BRCA1: variants seen among roughly 807,000 people sequenced by gnomAD.
BRCA1 encodes the protein breast cancer type 1 susceptibility protein.
A neutral mutation model predicts 173.7 loss-of-function variants in BRCA1; 140 were observed. That is an observed-to-expected ratio of 0.81 (90% CI 0.70 to 0.93). BRCA1 has a LOEUF of 0.93. Among genes scored for constraint, BRCA1 ranks in the 40% least tolerant of loss-of-function variants. BRCA1 has a pLI of 0.00. For synonymous variants in BRCA1, 662 were observed against 756.0 expected (o/e 0.88, Z 2.04); for missense variants, 1,983 against 2,172.5 (o/e 0.91, Z 1.73).
At chr17:43,117,511 C>T (rs556933975) in intron 2 of BRCA1, among the ~76,000 whole-genome samples, 48 of 152,156 alleles carry the variant, frequency 3.2e-4, no homozygotes, top group African/African-American at 1.0e-3. Context: ...GAGGCCGAGG[C>T]GGGCGGATCA....
rs398122638 is a variant in BRCA1 at position 43,093,924 on chromosome 17, G to A, written c.1607C>T (p.Thr536Ile). Reference sequence around the variant, plus strand: ...TTGACCATTCTGCTCCGTTTGGTTAGTTCCCTGATTTATCATTTCAGGAGT... The same window carrying A: ...TTGACCATTCTGCTCCGTTTGGTTAATTCCCTGATTTATCATTTCAGGAGT... ...QKTPEMINQG[T>I]NQTEQNGQVM... The change falls in exon 10 of 23, where the codon ACT becomes ATT. Residue 536 changes from threonine (T) to isoleucine (I), a missense_variant. By Grantham distance (89) the Thr-to-Ile change is moderately conservative. Coordinates refer to ENST00000357654, the MANE Select transcript of BRCA1 (RefSeq NM_007294.4). The A allele has an allele frequency of 6.2e-7, 1 of 1,613,824 alleles. No homozygotes were observed. The highest frequency in any genetic ancestry group is 1.7e-5 in the Admixed American group (1 of 59,964).
At chr17:43,145,885 T>C (rs1221329122) in intron 1 of BRCA1, among the ~76,000 whole-genome samples, 1 of 152,206 alleles carries the variant, frequency 6.6e-6, no homozygotes, top group African/African-American at 2.4e-5. Context: ...TTATATCCTG[T>C]AATACAAAGC....
chr17:43,107,382 ATT>A (rs762948688), intron 3 of BRCA1, among the ~76,000 whole-genome samples: 17 of 118,466 alleles, frequency 1.4e-4, no homozygotes, highest in Admixed American at 1.7e-4. Flanking sequence ...TATTTTCTTA[ATT>A]TTTTTTTTTT....
intron 3 of BRCA1, among the ~76,000 whole-genome samples, chr17:43,113,646 C>A (rs965431412): frequency 6.6e-6 from 1 of 152,226 alleles, no homozygotes; most frequent in Middle Eastern, 3.4e-3. Flanking sequence ...GTATTATAGG[C>A]GTGAGCCACC....
At chr17:43,088,984 G>A (rs2053338139) in intron 11 of BRCA1, among the ~76,000 whole-genome samples, 1 of 152,168 alleles carries the variant, frequency 6.6e-6, no homozygotes, top group African/African-American at 2.4e-5. Context: ...ATTTTTGCAT[G>A]AGAACTTGGA....
At position 43,123,306 on chromosome 17, in the gene BRCA1, G is replaced by A. The variant is rs1462419813; in HGVS notation, c.80+711C>T. On this transcript the variant is annotated intron_variant, in intron 2 of 22. Transcript: ENST00000357654. ...TGTACAGAGCCAGTTTCAAACAAAG[G>A]TTCTTCCAAATACCTATCCTCTCAA... Among the ~76,000 whole-genome samples the A allele has an allele frequency of 2.7e-5, 4 of 148,336 alleles. No homozygotes were observed. The East Asian group carries it at 6.1e-4, about 23-fold the overall frequency.
intron 11 of BRCA1, 109 bp downstream of exon 11, chr17:43,090,835 C>T (rs2154247414): frequency 2.0e-6 from 2 of 1,024,442 alleles, no homozygotes; most frequent in East Asian, 2.6e-5. Flanking sequence ...AACAATTGTG[C>T]CATTAATTCA....
chr17:43,142,948 A>ATG (rs1464892126), intron 1 of BRCA1, among the ~76,000 whole-genome samples: 3 of 140,920 alleles, frequency 2.1e-5, no homozygotes, highest in African/African-American at 7.9e-5. Context: ...GTGTATATAT[A>ATG]TATGTGTGTG....
rs1174909901 is a variant in BRCA1 at position 43,089,900 on chromosome 17, G to A, written c.4185+1044C>T. Among the ~76,000 whole-genome samples, 4 of 151,536 alleles carry A rather than the reference G, an allele frequency of 2.6e-5. No individual in the cohort carries two copies. In the South Asian group the frequency reaches 6.3e-4, roughly 24 times the overall value. Reference sequence around the variant, plus strand: ...TGGGCGCCTGTGGTCCCAGCTACTCGGGAAGCTGAGGTAGGAGGATCGCTT... The same window carrying A: ...TGGGCGCCTGTGGTCCCAGCTACTCAGGAAGCTGAGGTAGGAGGATCGCTT... On this transcript the variant is annotated intron_variant, in intron 11 of 22. Transcript: ENST00000357654.
Position 43,131,299 on chromosome 17 carries a change from GGT to G in BRCA1, c.-19-7186_-19-7185del, listed in dbSNP as rs879113914. On this transcript the variant is annotated intron_variant, in intron 1 of 7. Coordinates refer to the BRCA1 transcript ENST00000634433. Reference sequence around the variant, plus strand: ...AAGTATATTATGGTACTTATTGCTAGGTGTTCAGAATAGGGATCTTATTTCTC... The same window carrying G: ...AAGTATATTATGGTACTTATTGCTAGGTTCAGAATAGGGATCTTATTTCTC... 2.4e-4 allele frequency: 118 copies of G among 486,488 alleles called. 1 individual carries two copies. The highest frequency in any genetic ancestry group is 1.9e-3 in the South Asian group (112 of 58,908). 30.1% of individuals were successfully genotyped at this position (486,488 alleles called of 1,614,324 possible).
At chr17:43,102,235 T>C (rs1448130939) in intron 6 of BRCA1, among the ~76,000 whole-genome samples, 1 of 151,822 alleles carries the variant, frequency 6.6e-6, no homozygotes, top group East Asian at 1.9e-4. Flanking sequence ...CACGCTCAGC[T>C]AATTTTTCTG....
chr17:43,148,800 C>T (rs1355550059), intron 1 of BRCA1: 17 of 167,972 alleles, frequency 1.0e-4, no homozygotes, highest in Non-Finnish European at 1.9e-4. Flanking sequence ...TGGAAGAAAA[C>T]GCAATTAAGA....
At chr17:43,087,374 C>T (rs138167649) in intron 11 of BRCA1, among the ~76,000 whole-genome samples, 13 of 152,188 alleles carry the variant, frequency 8.5e-5, no homozygotes, top group East Asian at 7.7e-4. Flanking sequence ...AGAATTTTAA[C>T]GACCCAGGCT....
At chr17:43,157,151 C>T (rs1385576471) in intron 1 of BRCA1, among the ~76,000 whole-genome samples, 3 of 152,158 alleles carry the variant, frequency 2.0e-5, no homozygotes, top group Non-Finnish European at 4.4e-5. Flanking sequence ...CAAAGAACTA[C>T]CAATCGTCAG....
intron 9 of BRCA1, 57 bp downstream of exon 9, chr17:43,095,788 TA>T: frequency 7.4e-7 from 1 of 1,358,652 alleles, no homozygotes; most frequent in Admixed American, 1.8e-5. Context: ...CTAATTACAG[TA>T]CTGTATCTAC....
intron 1 of BRCA1, among the ~76,000 whole-genome samples, chr17:43,136,549 A>G (rs1342373404): frequency 6.6e-6 from 1 of 152,240 alleles, no homozygotes; most frequent in Non-Finnish European, 1.5e-5. Context: ...ACAAAGGGCT[A>G]ATATCCAGAA....
chr17:43,104,956 C>A lies in BRCA1; in HGVS notation c.213G>T (p.Arg71Ser), dbSNP rs1441240938. 6.2e-7 allele frequency: 1 copy of A among 1,612,578 alleles called. No individual in the cohort carries two copies. Among genetic ancestry groups the A allele is most frequent in the Non-Finnish European group, 8.5e-7 (1 of 1,179,000 alleles). The change falls in exon 5 of 23, where the codon AGG becomes AGT. Residue 71 changes from arginine (R) to serine (S), a missense_variant and splice_region_variant. Transcript: ENST00000357654. The stretch of plus-strand genomic sequence containing the variant: ...TAAATCTCGTACTTTCTTGTAGGCT[C>A]CTGAAATTAAATTGTTTGAGAAACA... ...CPLCKNDITK[R>S]SLQESTRFSQ... is the part of the protein sequence containing the mutation.
intron 1 of BRCA1, chr17:43,166,064 C>T (rs1158175904): frequency 3.3e-5 from 5 of 151,404 alleles, no homozygotes; most frequent in African/African-American, 7.3e-5. Context: ...CTCTCTTTCT[C>T]TCTTTCTTTC....
In BRCA1 at chr17:43,092,621, T is replaced by G. The variant is rs431825394; in HGVS notation, c.2910A>C (p.Lys970Asn). 1.9e-6 allele frequency: 3 copies of G among 1,613,940 alleles called. No individual in the cohort carries two copies. The highest frequency in any genetic ancestry group is 2.5e-6 in the Non-Finnish European group (3 of 1,179,998). ...GNETGLITPN[K>N]HGLLQNPYRI... ...GATATGGGTTTTGTAAAAGTCCATGTTTATTTGGAGTAATGAGTCCAGTTT... is the reference window on the plus strand; with the variant it reads ...GATATGGGTTTTGTAAAAGTCCATGGTTATTTGGAGTAATGAGTCCAGTTT... The change falls in exon 10 of 23, where the codon AAA (lysine) becomes AAC (asparagine). Residue 970 changes from lysine to asparagine, a missense_variant. By Grantham distance (94) the Lys-to-Asn change is moderately conservative. Coordinates refer to ENST00000357654, the MANE Select transcript of BRCA1 (RefSeq NM_007294.4).
Sources: allele counts gnomAD v4.1 joint callset (sites outside exome capture counted in the v4.1 genomes callset), GRCh38; gene constraint gnomAD v4.1.1; transcripts MANE v1.5; gene names NCBI Gene and HGNC (gene_info 2026-07-23, HGNC 2026-07-21).